CDHR5: variants seen among roughly 807,000 people sequenced by gnomAD.
CDHR5 encodes cadherin related family member 5, also known as cadherin-related family member 5.
A neutral mutation model predicts 69.5 loss-of-function variants in CDHR5; 82 were observed. The ratio of observed to expected loss-of-function variants is 1.18; its 90% CI spans 0.99 to 1.42. The LOEUF is 1.42. Ranked by LOEUF, CDHR5 falls within the 40% of genes most tolerant of loss-of-function variation. The probability of loss-of-function intolerance (pLI) is 0.00; values close to 1 mark genes in which losing one functional copy is unlikely to be tolerated. For synonymous variants in CDHR5, 601 were observed against 510.2 expected (o/e 1.18, Z -2.40); for missense variants, 1,293 against 1,168.9 (o/e 1.11, Z -1.55).
Position 617,144 on chromosome 11 carries a change from G to T in CDHR5, c.*207C>A, listed in dbSNP as rs563495946. ...GCAGCCTTGGGGTGGGGACAGCGTG[G>T]CCAGACCCACCGCCTCATCTGCACA... On this transcript the variant is annotated 3_prime_UTR_variant, in exon 15 of 15. Transcript: ENST00000397542. 5.1e-6 allele frequency: 3 copies of T among 585,372 alleles called. No homozygotes were observed. The East Asian group carries it at 8.6e-5, about 17-fold the overall frequency. 36.3% of individuals were successfully genotyped at this position (585,372 alleles called of 1,614,324 possible).
rs1263525531 is a variant in CDHR5, at chr11:619,772, A to G, written c.1088T>C (p.Val363Ala). The stretch of plus-strand genomic sequence containing the variant: ...AACGCCCGCTCCAGCGCCACGCGCC[A>G]CGGTGCCACGATACAGTCTCTGGGG... The part of the protein sequence containing the change: ...RFPQRLYRGT[V>A]ARGAGAGVVV... The change falls in exon 10 of 15, where the codon GTG (valine) becomes GCG (alanine). Residue 363 changes from valine to alanine, a missense_variant. Transcript: ENST00000397542. 5.6e-6 allele frequency: 9 copies of G among 1,610,488 alleles called. No homozygotes were observed. In the East Asian group the frequency reaches 2.0e-4, roughly 36 times the overall value.
At chr11:617,932 T>G (rs1344326991) in intron 14 of CDHR5, 22 bp downstream of exon 14, 3 of 1,606,132 alleles carry the variant, frequency 1.9e-6, no homozygotes, top group Non-Finnish European at 2.5e-6. Context: ...TCGCCTGCCC[T>G]GTTCTCCATC....
chr11:620,447 C>T (rs1857306891), intron 7 of CDHR5, 61 bp from the exon 8 acceptor site: 2 of 1,198,398 alleles, frequency 1.7e-6, no homozygotes, highest in Non-Finnish European at 2.4e-6. Context: ...CCCAGCCTGG[C>T]CCCTCTGACT....
Position 621,346 on chromosome 11 carries a change from CGCACCA to C in CDHR5, c.611_616del (p.Leu204_Val205del). ...TCGGGGCTGGGGTGACCTGCTCACC[CGCACCA>C]GCAGCCAGAAGGTCATGTTCGGCCG... On this transcript the variant is annotated inframe_deletion and splice_region_variant, in exon 6 of 15. Coordinates refer to ENST00000397542, the MANE Select transcript of CDHR5 (RefSeq NM_021924.5). This position sits in a 1 kb window ranked among gnomAD's most constrained non-coding sequence, Gnocchi z 4.4. The C allele has an allele frequency of 6.2e-7, 1 of 1,612,816 alleles. No homozygotes were observed. Among genetic ancestry groups the C allele is most frequent in the Non-Finnish European group, 8.5e-7 (1 of 1,179,748 alleles).
chr11:618,603 A>T lies in CDHR5; in HGVS notation c.1956T>A (p.Ser652=). 6.2e-7 allele frequency: 1 copy of T among 1,613,934 alleles called. No homozygotes were observed. The highest frequency in any genetic ancestry group is 1.1e-5 in the South Asian group (1 of 91,068). The change falls in exon 13 of 15, where the codon TCT becomes TCA. Residue 652 remains serine (S), a synonymous_variant. Coordinates refer to ENST00000397542, the MANE Select transcript of CDHR5 (RefSeq NM_021924.5). Reference sequence around the variant, plus strand: ...AGGCAACAGAGTGGGTGCTACCTGAAGATGGGGTGCTCTTGCTGAGGGGCA... The same window carrying T: ...AGGCAACAGAGTGGGTGCTACCTGATGATGGGGTGCTCTTGCTGAGGGGCA... ...QPMPLSKSTP[S]SGGGPSEDKR...
At position 619,327 on chromosome 11, in the gene CDHR5, C is replaced by G. The variant is rs752167890; in HGVS notation, c.1357G>C (p.Glu453Gln). Residue 453 changes from glutamate to glutamine, a missense_variant, in exon 12 of 15, where the codon GAA (glutamate) becomes CAA (glutamine). Transcript: ENST00000397542. The part of the protein sequence containing the change: ...ATTVIEIQVS[E>Q]QEPPSTDVPP... ...TTACCTGTGGAGGGGGGCTCCTGTT[C>G]GGAAACTTGTATCTCAATGACTGTG... 4 of 1,612,884 alleles carry G rather than the reference C, an allele frequency of 2.5e-6. No homozygotes were observed.
chr11:616,966 TGAGATGAGC>T lies in CDHR5; in HGVS notation c.*376_*384del. On this transcript the variant is annotated 3_prime_UTR_variant, in exon 15 of 15. Coordinates refer to ENST00000397542, the MANE Select transcript of CDHR5 (RefSeq NM_021924.5). ...TGTGTAGGGTCGGGAGCGGGAGGTC[TGAGATGAGC>T]CGGGTGCCTGAGATCTCCGGTGCAG... The T allele has an allele frequency of 4.0e-6, 1 of 248,068 alleles. No individual in the cohort carries two copies. The highest frequency in any genetic ancestry group is 7.9e-6 in the Non-Finnish European group (1 of 127,030). 15.4% of individuals were successfully genotyped at this position (248,068 alleles called of 1,614,324 possible).
At position 621,996 on chromosome 11, in the gene CDHR5, G is replaced by A; in HGVS notation, c.313-92C>T. 2 of 1,000,002 alleles carry A rather than the reference G, an allele frequency of 2.0e-6. No homozygotes were observed. The highest frequency in any genetic ancestry group is 3.0e-6 in the Non-Finnish European group (2 of 667,678). The allele number at this position is 1,000,002 out of a possible 1,614,324, so 61.9% of individuals were successfully genotyped here. ...TATCCGTCCCCACCGTGAGTGAGGT[G>A]CACCCCTCAACGGCCACCTGTCCCC... is the stretch of plus-strand genomic sequence containing the variant. On this transcript the variant is annotated intron_variant, in intron 3 of 14. Transcript: ENST00000397542. The surrounding 1 kb of genome is among the most constrained non-coding windows in gnomAD (Gnocchi z 4.4).
chr11:617,264 G>A lies in CDHR5; in HGVS notation c.*87C>T. 1 of 1,122,746 alleles carries A rather than the reference G, an allele frequency of 8.9e-7. No individual in the cohort carries two copies. Among genetic ancestry groups the A allele is most frequent in the East Asian group, 2.5e-5 (1 of 39,606 alleles). The allele number at this position is 1,122,746 out of a possible 1,614,324, so 69.5% of individuals were successfully genotyped here. On this transcript the variant is annotated 3_prime_UTR_variant, in exon 15 of 15. Transcript: ENST00000397542. ...CCACGCCATGGCCTGGGTTTCGGGA[G>A]CCTTGCTTTATTCTGCCTCGGGTCG...
rs1856967446 is a variant in CDHR5, at chr11:617,280, C to T, written c.*71G>A. The stretch of plus-strand genomic sequence containing the variant: ...GTTTCGGGAGCCTTGCTTTATTCTG[C>T]CTCGGGTCGGAGGCTGGGGGAGCGA... On this transcript the variant is annotated 3_prime_UTR_variant, in exon 15 of 15. Transcript: ENST00000397542. 20 of 1,263,614 alleles carry T rather than the reference C, an allele frequency of 1.6e-5. 1 individual carries two copies. The South Asian group carries it at 1.9e-4, about 12-fold the overall frequency. 78.3% of individuals were successfully genotyped at this position (1,263,614 alleles called of 1,614,324 possible).
At chr11:617,881 C>T in intron 14 of CDHR5, 73 bp downstream of exon 14, 2 of 1,539,700 alleles carry the variant, frequency 1.3e-6, no homozygotes, top group South Asian at 1.2e-5. Flanking sequence ...TGTCCCTCTG[C>T]CCTCCCCTCT....
chr11:617,433 G>T lies in CDHR5; in HGVS notation c.2456C>A (p.Ser819Tyr), dbSNP rs1856992423. The T allele has an allele frequency of 2.5e-6, 4 of 1,611,966 alleles. 1 individual carries two copies. The Admixed American group carries it at 5.0e-5, about 20-fold the overall frequency. The change falls in exon 15 of 15, where the codon TCC becomes TAC. Residue 819 changes from serine to tyrosine, a missense_variant. Ser to Tyr is a moderately radical substitution (Grantham distance 144). Transcript: ENST00000397542. The part of the protein sequence containing the change: ...PTLDVDGASD[S>Y]GSGDEGEGAG... ...GCCCTCGCCCTCATCGCCGCTGCCG[G>T]AGTCACTGGCGCCATCCACGTCCAG...
rs537203327 is a variant in CDHR5, at chr11:624,652, C to T, written c.166G>A (p.Glu56Lys). Residue 56 changes from glutamate (E) to lysine (K), a missense_variant, in exon 2 of 15, where the codon GAG becomes AAG. Physicochemically the swap from Glu to Lys is moderately conservative, Grantham distance 56. Coordinates refer to ENST00000397542, the MANE Select transcript of CDHR5 (RefSeq NM_021924.5). The surrounding 1 kb of genome is among the most constrained non-coding windows in gnomAD (Gnocchi z 5.3). Reference protein sequence around the residue: ...TEPLVDIHVPEGQEVTLGALS... With the variant: ...TEPLVDIHVPKGQEVTLGALS... Reference sequence around the variant, plus strand: ...GCTCCGAGGGTCACCTCCTGGCCCTCCGGGACGTGGATGTCCACCAGCGGC... The same window carrying T: ...GCTCCGAGGGTCACCTCCTGGCCCTTCGGGACGTGGATGTCCACCAGCGGC... 1.4e-5 allele frequency: 22 copies of T among 1,613,646 alleles called. No homozygotes were observed. The highest frequency in any genetic ancestry group is 3.3e-4 in the Middle Eastern group (2 of 6,058).
chr11:617,569 C>G lies in CDHR5; in HGVS notation c.2320G>C (p.Val774Leu). 1 of 1,611,832 alleles carries G rather than the reference C, an allele frequency of 6.2e-7. No individual in the cohort carries two copies. The highest frequency in any genetic ancestry group is 8.5e-7 in the Non-Finnish European group (1 of 1,179,390). Residue 774 changes from valine (V) to leucine (L), a missense_variant, in exon 15 of 15, where the codon GTG becomes CTG. Physicochemically the swap from Val to Leu is conservative, Grantham distance 32 (BLOSUM62 1). Transcript: ENST00000397542. ...CGCTCCTTGGTCAGGATGGACCTCA[C>G]CGCCGTGGGGCTTCCGCCAGCTCGG... is the stretch of plus-strand genomic sequence containing the variant. The part of the protein sequence containing the change: ...AARAGGSPTA[V>L]RSILTKERRP...
intron 13 of CDHR5, 136 bp from the exon 14 acceptor site, chr11:618,247 T>C: frequency 1.3e-6 from 1 of 764,254 alleles, no homozygotes; most frequent in Non-Finnish European, 2.1e-6. Flanking sequence ...CAGGCTCTGC[T>C]GACCCTGGCT....
chr11:619,753 C>G lies in CDHR5; in HGVS notation c.1107G>C (p.Ala369=), dbSNP rs1009136493. Reference sequence around the variant, plus strand: ...CAGCTGCATCCTTGACCACAACGCCCGCTCCAGCGCCACGCGCCACGGTGC... The same window carrying G: ...CAGCTGCATCCTTGACCACAACGCCGGCTCCAGCGCCACGCGCCACGGTGC... ...YRGTVARGAG[A]GVVVKDAAAP... Residue 369 remains alanine, a synonymous_variant, in exon 10 of 15, where the codon GCG becomes GCC. Coordinates refer to ENST00000397542, the MANE Select transcript of CDHR5 (RefSeq NM_021924.5). 2.2e-5 allele frequency: 36 copies of G among 1,611,838 alleles called. No individual in the cohort carries two copies. Among genetic ancestry groups the G allele is most frequent in the Admixed American group, 5.0e-5 (3 of 59,986 alleles).
rs779980427 is a variant in CDHR5, at chr11:619,563, G to A, written c.1204C>T (p.Arg402Ter). 4.3e-6 allele frequency: 7 copies of A among 1,613,850 alleles called. No individual in the cohort carries two copies. The highest frequency in any genetic ancestry group is 1.1e-5 in the South Asian group (1 of 91,084). Residue 402 changes from arginine to a stop codon, truncating the protein, a stop_gained, in exon 11 of 15, where the codon CGA (arginine) becomes TGA (stop). Transcript: ENST00000397542. LOFTEE classifies it high-confidence loss of function. ...FSDLNSAITY[R>*]ITNHSHFRME... Reference sequence around the variant, plus strand: ...CGGAAGTGTGAGTGGTTGGTAATTCGATATGTGATGGCCGAGTTGAGGTCC... The same window carrying A: ...CGGAAGTGTGAGTGGTTGGTAATTCAATATGTGATGGCCGAGTTGAGGTCC...
At position 624,127 on chromosome 11, in the gene CDHR5, C is replaced by T. The variant is rs1351408485; in HGVS notation, c.312+86G>A. ...GAATTTGAAACCACACCCTAGCTGA[C>T]GTCATCAAAGACTGGTCCTGGACCG... is the stretch of plus-strand genomic sequence containing the variant. On this transcript the variant is annotated intron_variant, in intron 3 of 14. Coordinates refer to ENST00000397542, the MANE Select transcript of CDHR5 (RefSeq NM_021924.5). This position sits in a 1 kb window ranked among gnomAD's most constrained non-coding sequence, Gnocchi z 5.3. 12 of 697,370 alleles carry T rather than the reference C, an allele frequency of 1.7e-5. No individual in the cohort carries two copies. Among genetic ancestry groups the T allele is most frequent in the Non-Finnish European group, 2.7e-5 (10 of 374,554 alleles). 43.2% of individuals were successfully genotyped at this position (697,370 alleles called of 1,614,324 possible). A position where few individuals can be genotyped will look rare whatever the true frequency, so the allele number is the denominator to read the frequency against.
Position 619,461 on chromosome 11 carries a change from C to T in CDHR5, c.1293+13G>A, listed in dbSNP as rs972131607. On this transcript the variant is annotated intron_variant, in intron 11 of 14. Transcript: ENST00000397542. Reference sequence around the variant, plus strand: ...CCACACCCTTGGAGATGCCCGCCTGCCCTGCCCCGCACCTCTGCGTAGAAG... The same window carrying T: ...CCACACCCTTGGAGATGCCCGCCTGTCCTGCCCCGCACCTCTGCGTAGAAG... 1.9e-6 allele frequency: 3 copies of T among 1,608,052 alleles called. No individual in the cohort carries two copies. The highest frequency in any genetic ancestry group is 2.6e-6 in the Non-Finnish European group (3 of 1,174,680).
Sources: gnomAD v4.1 joint callset for allele counts on GRCh38, gnomAD v4.1.1 for gene constraint, Gnocchi (gnomAD v3.1) non-coding constraint, MANE v1.5 for transcripts, NCBI Gene and HGNC (gene_info 2026-07-23, HGNC 2026-07-21) for gene names.